The following TMEM150B variants were observed in gnomAD, a reference collection of about 807,000 sequenced individuals.
TMEM150B encodes the protein modulator of macroautophagy TMEM150B.
A neutral mutation model predicts 25.2 loss-of-function variants in TMEM150B; 33 were observed. The ratio of observed to expected loss-of-function variants is 1.31; its 90% CI spans 0.99 to 1.75. TMEM150B has a LOEUF of 1.75. Among genes scored for constraint, TMEM150B ranks in the 40% most tolerant of loss-of-function variants. TMEM150B has a pLI of 0.00. For synonymous variants in TMEM150B, 133 were observed against 134.8 expected (o/e 0.99, Z 0.09); for missense variants, 322 against 306.1 (o/e 1.05, Z -0.39).
rs1414036916 is a variant in TMEM150B, at chr19:55,324,944, G to C, written c.-154+328C>G. The stretch of plus-strand genomic sequence containing the variant: ...CAAAGCTATGAGGGAGCCCAGGGGA[G>C]GGAGGGGTCCATGCTACCTGCTCCT... On this transcript the variant is annotated intron_variant, in intron 1 of 7. Coordinates refer to ENST00000326652, the MANE Select transcript of TMEM150B (RefSeq NM_001282011.2). 1.9e-5 allele frequency: 18 copies of C among 937,258 alleles called. No individual in the cohort carries two copies. The East Asian group carries it at 2.0e-3, about 103-fold the overall frequency. The allele number at this position is 937,258 out of a possible 1,614,324, so 58.1% of individuals were successfully genotyped here. A position where few individuals can be genotyped will look rare whatever the true frequency, so the allele number is the denominator to read the frequency against.
In TMEM150B at chr19:55,320,622, G is replaced by A. The variant is rs373063841; in HGVS notation, c.69-5C>T. On this transcript the variant is annotated splice_region_variant and splice_polypyrimidine_tract_variant and intron_variant, in intron 3 of 7. Coordinates refer to ENST00000326652, the MANE Select transcript of TMEM150B (RefSeq NM_001282011.2). ...TTGGTCACTGCAATGGCAAAACTAC[G>A]GAGGAAATCAGAGTGAGTGGGCGAC... 7 of 1,613,726 alleles carry A rather than the reference G, an allele frequency of 4.3e-6. No homozygotes were observed. Among genetic ancestry groups the A allele is most frequent in the African/African-American group, 4.0e-5 (3 of 74,884 alleles).
In TMEM150B at chr19:55,312,917, G is replaced by C; in HGVS notation, c.644C>G (p.Pro215Arg). Residue 215 changes from proline to arginine, a missense_variant, in exon 8 of 8, where the codon CCG (proline) becomes CGG (arginine). Pro to Arg is a moderately radical substitution (Grantham distance 103). Transcript: ENST00000326652. ...CGGCGGGGGGCTGAGGCTGGGCCACGGCTGAACACACAGGGTGCAGCTCTC... is the reference window on the plus strand; with the variant it reads ...CGGCGGGGGGCTGAGGCTGGGCCACCGCTGAACACACAGGGTGCAGCTCTC... ...ALESCTLCVQ[P>R]WPSLSPPPAS... is the part of the protein sequence containing the mutation. 6.2e-7 allele frequency: 1 copy of C among 1,608,414 alleles called. No individual in the cohort carries two copies. Among genetic ancestry groups the C allele is most frequent in the Non-Finnish European group, 8.5e-7 (1 of 1,177,984 alleles).
At chr19:55,315,760 CA>C (rs1224362945) in intron 7 of TMEM150B, among the ~76,000 whole-genome samples, 1,092 of 81,870 alleles carry the variant, frequency 0.013, 4 homozygotes, top group African/African-American at 0.034. Context: ...GACTCCGTCT[CA>C]AAAAAAAAAA....
chr19:55,312,080 CG>C, downstream of TMEM150B: 1 of 1,401,530 alleles, frequency 7.1e-7, no homozygotes, highest in African/African-American at 1.5e-5. Context: ...CCCACGGGGC[CG>C]GGGAGGGAGG....
Position 55,321,104 on chromosome 19 carries a change from A to C in TMEM150B, c.-57-11T>G. On this transcript the variant is annotated splice_polypyrimidine_tract_variant and intron_variant, in intron 2 of 7. Coordinates refer to ENST00000326652, the MANE Select transcript of TMEM150B (RefSeq NM_001282011.2). ...CTGTCTCTCTCACACCTGAAGAACC[A>C]GCCCTCAAGGAGGGCCCAGGTGCAT... The C allele has an allele frequency of 6.4e-7, 1 of 1,554,968 alleles. No homozygotes were observed. Among genetic ancestry groups the C allele is most frequent in the Non-Finnish European group, 8.7e-7 (1 of 1,151,944 alleles).
At chr19:55,318,638 A>G (rs1317576936) in intron 6 of TMEM150B, among the ~76,000 whole-genome samples, 2 of 152,180 alleles carry the variant, frequency 1.3e-5, no homozygotes, top group Admixed American at 6.5e-5. Context: ...TCCATCTCCA[A>G]TATATGTATA....
rs2089304728 is a variant in TMEM150B, at chr19:55,325,317, G to A, written c.-199C>T. 1.0e-6 allele frequency: 1 copy of A among 985,312 alleles called. No homozygotes were observed. The highest frequency in any genetic ancestry group is 1.7e-5 in the African/African-American group (1 of 57,246). 61.0% of individuals were successfully genotyped at this position (985,312 alleles called of 1,614,324 possible). On this transcript the variant is annotated 5_prime_UTR_variant, in exon 1 of 8. Transcript: ENST00000326652. ...GTCTGGAGCCTGAAGGATCCTTCCA[G>A]AAGCTAGGGCTGCTGGCCTGGCTCA...
chr19:55,316,850 C>T lies in TMEM150B; in HGVS notation c.441G>A (p.Gly147=). The T allele has an allele frequency of 1.3e-6, 2 of 1,593,024 alleles. No homozygotes were observed. Among genetic ancestry groups the T allele is most frequent in the African/African-American group, 1.4e-5 (1 of 73,694 alleles). Residue 147 remains glycine, a synonymous_variant, in exon 7 of 8, where the codon GGG becomes GGA. Coordinates refer to ENST00000326652, the MANE Select transcript of TMEM150B (RefSeq NM_001282011.2). ...LWRLKRLPQP[G]AAWIGPLRLG... The stretch of plus-strand genomic sequence containing the variant: ...GGCGGAGGGGCCCAATCCAGGCAGC[C>T]CCGGGCTGGGGCAGCCTCTTCAGCC...
intron 7 of TMEM150B, among the ~76,000 whole-genome samples, chr19:55,315,925 G>C (rs1208730352): frequency 2.0e-5 from 3 of 152,116 alleles, no homozygotes; most frequent in African/African-American, 7.2e-5. Flanking sequence ...GCAAGACTCT[G>C]TCTCAAAAAT....
At chr19:55,324,609 C>G (rs1263604824) in intron 1 of TMEM150B, 1 of 667,062 alleles carries the variant, frequency 1.5e-6, no homozygotes, top group Non-Finnish European at 1.9e-6. Flanking sequence ...GATCGCACCA[C>G]TGCATTCCAG....
intron 6 of TMEM150B, among the ~76,000 whole-genome samples, chr19:55,317,632 T>A (rs1210176201): frequency 6.6e-6 from 1 of 151,750 alleles, no homozygotes; most frequent in Non-Finnish European, 1.5e-5. Context: ...ATACAAAAAA[T>A]TAGCTAGGCG....
chr19:55,311,980 G>A (rs370352134), downstream of TMEM150B: 74 of 1,433,870 alleles, frequency 5.2e-5, no homozygotes, highest in South Asian at 5.0e-4. Context: ...CCACCCGGCC[G>A]CCCAGACCCA....
At position 55,321,064 on chromosome 19, in the gene TMEM150B, GC is replaced by G; in HGVS notation, c.-29del. 6.2e-7 allele frequency: 1 copy of G among 1,604,118 alleles called. No homozygotes were observed. Reference sequence around the variant, plus strand: ...CGGGCTCTGCAGGTGAAGGATCGGGGCTGAGGCTGGACACCTGTCTCTCTCA... The same window carrying G: ...CGGGCTCTGCAGGTGAAGGATCGGGGTGAGGCTGGACACCTGTCTCTCTCA... On this transcript the variant is annotated 5_prime_UTR_variant, in exon 3 of 8. Coordinates refer to ENST00000326652, the MANE Select transcript of TMEM150B (RefSeq NM_001282011.2).
At chr19:55,323,452 T>A (rs1469804510) in intron 1 of TMEM150B, among the ~76,000 whole-genome samples, 3 of 150,152 alleles carry the variant, frequency 2.0e-5, no homozygotes, top group Non-Finnish European at 4.4e-5. Flanking sequence ...AAAAAAAAAA[T>A]GTGCGACTCA....
intron 7 of TMEM150B, among the ~76,000 whole-genome samples, chr19:55,315,784 C>A (rs1433255504): frequency 6.6e-6 from 1 of 150,656 alleles, no homozygotes; most frequent in Non-Finnish European, 1.5e-5. Context: ...AAAAAATTAG[C>A]CAGGTGTGGT....
intron 1 of TMEM150B, among the ~76,000 whole-genome samples, chr19:55,324,087 C>T (rs959519481): frequency 5.3e-5 from 8 of 152,006 alleles, no homozygotes; most frequent in East Asian, 1.9e-4. Flanking sequence ...GGATTACAGG[C>T]GGAAGCCATC....
intron 1 of TMEM150B, among the ~76,000 whole-genome samples, chr19:55,323,080 C>G (rs10425848): frequency 0.39 from 59,572 of 151,982 alleles, 12,186 homozygotes; most frequent in South Asian, 0.46. Context: ...TCCTCTCTCA[C>G]TATGCCACCT....
At chr19:55,318,487 T>G (rs2089079996) in intron 6 of TMEM150B, among the ~76,000 whole-genome samples, 2 of 151,888 alleles carry the variant, frequency 1.3e-5, no homozygotes, top group African/African-American at 4.8e-5. Flanking sequence ...CAAAAAAAAT[T>G]TAGCCAGGCC....
intron 6 of TMEM150B, 169 bp downstream of exon 6, chr19:55,319,870 C>A: frequency 7.0e-7 from 1 of 1,436,924 alleles, no homozygotes; most frequent in Non-Finnish European, 9.1e-7. Flanking sequence ...ACTCAGAGAG[C>A]AAAGGAATCC....
Sources: gnomAD v4.1 joint callset for allele counts (sites outside exome capture counted in the v4.1 genomes callset) on GRCh38, gnomAD v4.1.1 for gene constraint, MANE v1.5 for transcripts, NCBI Gene and HGNC (gene_info 2026-07-23, HGNC 2026-07-21) for gene names.